Variants in TSPEAR observed in about 807,000 individuals in gnomAD.
TSPEAR encodes thrombospondin-type laminin G domain and EAR repeat-containing protein.
A neutral mutation model predicts 71.6 loss-of-function variants in TSPEAR; 69 were observed. The ratio of observed to expected loss-of-function variants is 0.96; its 90% CI spans 0.79 to 1.18. The LOEUF (loss-of-function observed/expected upper bound fraction) is 1.18. Ranked by LOEUF, TSPEAR falls within the 50% of genes most tolerant of loss-of-function variation. The pLI is 0.00. For missense variants in TSPEAR, 971 were observed against 894.9 expected (o/e 1.09, Z -1.09); for synonymous variants, 402 against 387.2 (o/e 1.04, Z -0.45).
chr21:44,530,005 C>G, intron 4 of TSPEAR, 51 bp from the exon 5 acceptor site: 1 of 1,486,648 alleles, frequency 6.7e-7, no homozygotes, highest in South Asian at 1.4e-5. Flanking sequence ...GGGAAGGACC[C>G]GCTGAGGAGG....
In TSPEAR at chr21:44,506,438, C is replaced by T. The variant is rs2052204325; in HGVS notation, c.1755-1557G>A. Among the ~76,000 whole-genome samples, 1 of 152,262 alleles carries T rather than the reference C, an allele frequency of 6.6e-6. No homozygotes were observed. Among genetic ancestry groups the T allele is most frequent in the Non-Finnish European group, 1.5e-5 (1 of 68,044 alleles). On this transcript the variant is annotated intron_variant, in intron 10 of 11. Coordinates refer to ENST00000323084, the MANE Select transcript of TSPEAR (RefSeq NM_144991.3). The surrounding 1 kb of genome is among the most constrained non-coding windows in gnomAD (Gnocchi z 4.2). ...AGTTCAGGCAGCAGAGGGGCCTCAT[C>T]CCGGTGCTTCCCTGCAGGCAGTTGT...
At chr21:44,602,075 C>T in intron 1 of TSPEAR, 1 of 411,432 alleles carries the variant, frequency 2.4e-6, no homozygotes, top group Non-Finnish European at 4.6e-6. Flanking sequence ...CAGTGGCGAG[C>T]CCTGCTCCTC....
chr21:44,628,978 C>T (rs200222725), intron 1 of TSPEAR, among the ~76,000 whole-genome samples: 6 of 152,178 alleles, frequency 3.9e-5, no homozygotes, highest in South Asian at 2.1e-4. Flanking sequence ...CTCAGGGCGG[C>T]GATGACAGAG....
intron 1 of TSPEAR, chr21:44,574,903 C>T (rs1978329257): frequency 6.2e-7 from 1 of 1,612,332 alleles, no homozygotes; most frequent in Non-Finnish European, 8.5e-7. Context: ...TCCTGCTGTG[C>T]TCCCACCTCC....
intron 1 of TSPEAR, among the ~76,000 whole-genome samples, chr21:44,659,415 G>A (rs1006257596): frequency 1.2e-4 from 18 of 152,052 alleles, no homozygotes; most frequent in African/African-American, 4.1e-4. Context: ...GGTAACCACA[G>A]TAACAACAAA....
chr21:44,703,819 C>A (rs1421204551), intron 1 of TSPEAR, among the ~76,000 whole-genome samples: 1 of 152,096 alleles, frequency 6.6e-6, no homozygotes, highest in Non-Finnish European at 1.5e-5. Flanking sequence ...GGTCCCACAC[C>A]CAGCCTCACT....
At chr21:44,501,792 T>C (rs1435264460) in intron 11 of TSPEAR, among the ~76,000 whole-genome samples, 1 of 152,010 alleles carries the variant, frequency 6.6e-6, no homozygotes, top group African/African-American at 2.4e-5. Flanking sequence ...GAAGGAGATA[T>C]TATTAAAAAG....
Position 44,560,164 on chromosome 21 carries a change from C to T in TSPEAR, c.303+7621G>A, listed in dbSNP as rs142965391. 5.7e-4 allele frequency among the ~76,000 whole-genome samples: 86 copies of T among 152,072 alleles called. 1 individual carries two copies. The highest frequency in any genetic ancestry group is 1.0e-3 in the Non-Finnish European group (70 of 67,978). On this transcript the variant is annotated intron_variant, in intron 2 of 11. Coordinates refer to ENST00000323084, the MANE Select transcript of TSPEAR (RefSeq NM_144991.3). ...AATGTACCAAGCAAATGGAAAGCAA[C>T]GTAAGCAGGGGTTGCAATCCTAGTC...
intron 1 of TSPEAR, among the ~76,000 whole-genome samples, chr21:44,639,678 C>T (rs782716066): frequency 6.6e-6 from 1 of 152,214 alleles, no homozygotes; most frequent in Non-Finnish European, 1.5e-5. Context: ...GGGCCATCCT[C>T]GGGAGGGGCT....
chr21:44,706,346 C>A (rs550857974), intron 1 of TSPEAR, among the ~76,000 whole-genome samples: 15 of 151,404 alleles, frequency 9.9e-5, no homozygotes, highest in African/African-American at 3.6e-4. Flanking sequence ...CACCCCCATG[C>A]ACACGCACCC....
Position 44,612,549 on chromosome 21 carries a change from G to T in TSPEAR, c.83-44544C>A. On this transcript the variant is annotated intron_variant, in intron 1 of 11. Coordinates refer to ENST00000323084, the MANE Select transcript of TSPEAR (RefSeq NM_144991.3). The surrounding 1 kb of genome is among the most constrained non-coding windows in gnomAD (Gnocchi z 4.1). ...TCCTCCCCATGCTGCCAGCAGTCTA[G>T]CTGCCAGTCAGCTTGCTGCACCTTC... 3 of 1,614,058 alleles carry T rather than the reference G, an allele frequency of 1.9e-6. No homozygotes were observed. Among genetic ancestry groups the T allele is most frequent in the Non-Finnish European group, 1.7e-6 (2 of 1,179,960 alleles).
At chr21:44,648,021 C>T (rs587763387) in intron 1 of TSPEAR, among the ~76,000 whole-genome samples, 76 of 152,346 alleles carry the variant, frequency 5.0e-4, no homozygotes, top group African/African-American at 1.8e-3. Context: ...AGGCACCGTG[C>T]TGGCCTCGTG....
At chr21:44,644,655 A>G (rs901336703) in intron 1 of TSPEAR, among the ~76,000 whole-genome samples, 8 of 152,204 alleles carry the variant, frequency 5.3e-5, no homozygotes, top group Non-Finnish European at 4.4e-5. Context: ...TCTGATGTCC[A>G]AGGAAACAAG....
At position 44,567,795 on chromosome 21, in the gene TSPEAR, A is replaced by C. The variant is rs2053722065; in HGVS notation, c.293T>G (p.Leu98Arg). 1 of 1,572,224 alleles carries C rather than the reference A, an allele frequency of 6.4e-7. No individual in the cohort carries two copies. The highest frequency in any genetic ancestry group is 2.3e-5 in the East Asian group (1 of 44,294). Reference sequence around the variant, plus strand: ...GAAAGTGCCACTGACCTTGGGTGGAAGATTGGGAACTCTCAAAGTTACGAC... The same window carrying C: ...GAAAGTGCCACTGACCTTGGGTGGACGATTGGGAACTCTCAAAGTTACGAC... ...SIVVTLRVPNLPPKRNEYLLT... is the reference protein window; with the variant it reads ...SIVVTLRVPNRPPKRNEYLLT... The change falls in exon 2 of 12, where the codon CTT becomes CGT. Residue 98 changes from leucine to arginine, a missense_variant. Leu to Arg is a moderately radical substitution (Grantham distance 102). Transcript: ENST00000323084.
intron 2 of TSPEAR, among the ~76,000 whole-genome samples, chr21:44,553,883 G>A (rs1218283981): frequency 6.6e-6 from 1 of 152,176 alleles, no homozygotes; most frequent in Middle Eastern, 3.2e-3. Flanking sequence ...GGCTTCCAGG[G>A]CAATCTTTGG....
intron 2 of TSPEAR, chr21:44,539,788 G>A: frequency 6.2e-7 from 1 of 1,612,442 alleles, no homozygotes. Context: ...ACTGCTGGCA[G>A]CATGAAGAGG....
rs2052899157 is a variant in TSPEAR at position 44,528,384 on chromosome 21, T to C, written c.922+68A>G. The C allele has an allele frequency of 1.9e-6, 3 of 1,602,022 alleles. No individual in the cohort carries two copies. In the South Asian group the frequency reaches 3.3e-5, roughly 18 times the overall value. Reference sequence around the variant, plus strand: ...GGCTGAGGTGCCCCCTCTCCTAGCCTCCACTCCCAGTCACACTGTGCCAGA... The same window carrying C: ...GGCTGAGGTGCCCCCTCTCCTAGCCCCCACTCCCAGTCACACTGTGCCAGA... On this transcript the variant is annotated intron_variant, in intron 6 of 11. Coordinates refer to ENST00000323084, the MANE Select transcript of TSPEAR (RefSeq NM_144991.3).
chr21:44,603,716 G>T (rs1274640865), intron 1 of TSPEAR, among the ~76,000 whole-genome samples: 3 of 152,220 alleles, frequency 2.0e-5, no homozygotes, highest in Admixed American at 1.3e-4. Flanking sequence ...ATTCTCAGCC[G>T]CACCACAGAA....
chr21:44,564,996 C>T lies in TSPEAR; in HGVS notation c.303+2789G>A, dbSNP rs1373614030. On this transcript the variant is annotated intron_variant, in intron 2 of 11. Coordinates refer to ENST00000323084, the MANE Select transcript of TSPEAR (RefSeq NM_144991.3). Reference sequence around the variant, plus strand: ...TAATAGAAAAAAAACTGGGGAAACACACAAATATGTGAAAATTAAACAGCA... The same window carrying T: ...TAATAGAAAAAAAACTGGGGAAACATACAAATATGTGAAAATTAAACAGCA... Among the ~76,000 whole-genome samples, 4 of 151,836 alleles carry T rather than the reference C, an allele frequency of 2.6e-5. No homozygotes were observed. In the East Asian group the frequency reaches 7.7e-4, roughly 29 times the overall value.
Sources: gnomAD v4.1 joint callset for allele counts (sites outside exome capture counted in the v4.1 genomes callset) on GRCh38, gnomAD v4.1.1 for gene constraint, Gnocchi (gnomAD v3.1) non-coding constraint, MANE v1.5 for transcripts, NCBI Gene and HGNC (gene_info 2026-07-23, HGNC 2026-07-21) for gene names.